Variants in SHC3 observed in about 807,000 individuals in gnomAD.
SHC3 encodes the protein SHC-transforming protein 3.
Under a neutral mutation model 60.4 loss-of-function variants are expected in SHC3, and 15 were observed. The observed-to-expected ratio is 0.25, with a 90% CI of 0.17 to 0.38. The LOEUF (loss-of-function observed/expected upper bound fraction) is 0.38, where lower values mean the gene tolerates loss of function less well. Among genes scored for constraint, SHC3 ranks in the 10% least tolerant of loss-of-function variants. The probability of loss-of-function intolerance (pLI) is 1.00; values close to 1 mark genes in which losing one functional copy is unlikely to be tolerated. For missense variants in SHC3, 677 were observed against 786.1 expected, an observed-to-expected ratio of 0.86 and a Z score of 1.66; for synonymous variants, 294 against 325.9, an observed-to-expected ratio of 0.90 and a Z score of 1.05.
chr9:89,026,934 C>A (rs1033660873), intron 11 of SHC3, among the ~76,000 whole-genome samples: 1 of 152,178 alleles, frequency 6.6e-6, no homozygotes, highest in African/African-American at 2.4e-5. Flanking sequence ...GATCTCACTT[C>A]CTTTTCTAGT....
At chr9:89,029,957 T>C (rs1587683812) in intron 11 of SHC3, among the ~76,000 whole-genome samples, 1 of 152,156 alleles carries the variant, frequency 6.6e-6, no homozygotes. Context: ...GGATTAAAAA[T>C]GCTATCAAAA....
intron 1 of SHC3, among the ~76,000 whole-genome samples, chr9:89,157,118 C>T (rs761991808): frequency 9.2e-5 from 14 of 152,132 alleles, no homozygotes; most frequent in Admixed American, 3.3e-4. Flanking sequence ...AATACCCTCC[C>T]GCTAACACCC....
intron 6 of SHC3, among the ~76,000 whole-genome samples, chr9:89,058,602 TAGGACGTGGTGG>T (rs1250834940): frequency 3.1e-5 from 4 of 129,574 alleles, no homozygotes; most frequent in East Asian, 2.5e-4. Flanking sequence ...ATGGTGGTGT[TAGGACGTGGTGG>T]AGGACGTGGT....
Position 89,178,552 on chromosome 9 carries a change from G to A in SHC3, c.-92C>T. The stretch of plus-strand genomic sequence containing the variant: ...GCATAGCAGGCGAGCCACTGTCCCC[G>A]GAGCGGGACGGAGAGTGGGGGCCCC... On this transcript the variant is annotated 5_prime_UTR_variant, in exon 1 of 12. Transcript: ENST00000375835. This position sits in a 1 kb window ranked among gnomAD's most constrained non-coding sequence, Gnocchi z 6.9. 2 of 1,253,600 alleles carry A rather than the reference G, an allele frequency of 1.6e-6. No homozygotes were observed. Among genetic ancestry groups the A allele is most frequent in the Admixed American group, 3.3e-5 (1 of 30,218 alleles). 77.7% of individuals were successfully genotyped at this position (1,253,600 alleles called of 1,614,324 possible). A position where few individuals can be genotyped will look rare whatever the true frequency, so the allele number is the denominator to read the frequency against.
chr9:89,153,352 G>A (rs148493817), intron 1 of SHC3, among the ~76,000 whole-genome samples: 20 of 152,252 alleles, frequency 1.3e-4, no homozygotes, highest in Admixed American at 6.5e-4. Flanking sequence ...GGCAGCGGCC[G>A]CTGGGAGCTT....
At chr9:89,078,342 T>C (rs1045767341) in intron 2 of SHC3, among the ~76,000 whole-genome samples, 2 of 152,182 alleles carry the variant, frequency 1.3e-5, no homozygotes, top group Middle Eastern at 3.2e-3. Flanking sequence ...TTAAGTGAGT[T>C]AGAATGTAAT....
intron 1 of SHC3, among the ~76,000 whole-genome samples, chr9:89,163,406 A>G (rs1189783547): frequency 6.6e-6 from 1 of 152,046 alleles, no homozygotes; most frequent in Non-Finnish European, 1.5e-5. Flanking sequence ...ATGGAATACT[A>G]TGAAGCCATA....
At position 89,010,419 on chromosome 9, in the gene SHC3, G is replaced by A. The variant is rs1169133864; in HGVS notation, c.*3028C>T. ...AGGCCCAGCCGGCCTCCGTGGGACA[G>A]AGATGTCATTTGAAGCACAGCTGAT... On this transcript the variant is annotated 3_prime_UTR_variant, in exon 12 of 12. Transcript: ENST00000375835. The A allele has an allele frequency of 2.6e-5, 4 of 152,262 alleles. No homozygotes were observed. Among genetic ancestry groups the A allele is most frequent in the African/African-American group, 9.6e-5 (4 of 41,458 alleles). 9.4% of individuals were successfully genotyped at this position (152,262 alleles called of 1,614,324 possible).
intron 1 of SHC3, among the ~76,000 whole-genome samples, chr9:89,165,720 T>C (rs1387883294): frequency 6.6e-6 from 1 of 152,026 alleles, no homozygotes; most frequent in Non-Finnish European, 1.5e-5. Flanking sequence ...CAGTGACACA[T>C]GAACAAGAAA....
intron 2 of SHC3, among the ~76,000 whole-genome samples, chr9:89,102,880 T>C (rs190484475): frequency 1.3e-5 from 2 of 152,332 alleles, no homozygotes; most frequent in Non-Finnish European, 1.5e-5. Context: ...TTCAATATGA[T>C]GTGCAATGAA....
At chr9:89,124,959 C>T (rs1027041344) in intron 1 of SHC3, among the ~76,000 whole-genome samples, 43 of 152,104 alleles carry the variant, frequency 2.8e-4, no homozygotes, top group African/African-American at 1.0e-3. Flanking sequence ...TAGGGAGTAA[C>T]TAAATCTTGC....
chr9:89,177,643 C>A (rs1445526387), intron 1 of SHC3, among the ~76,000 whole-genome samples: 1 of 152,234 alleles, frequency 6.6e-6, no homozygotes. Flanking sequence ...AGATACTAGG[C>A]AGGCCGGACC....
intron 1 of SHC3, among the ~76,000 whole-genome samples, chr9:89,143,284 G>T (rs1335021376): frequency 6.6e-6 from 1 of 152,160 alleles, no homozygotes; most frequent in Non-Finnish European, 1.5e-5. Flanking sequence ...GCACTGGTGG[G>T]AGTGTAGCAG....
intron 11 of SHC3, 32 bp from the exon 12 acceptor site, chr9:89,013,607 A>T: frequency 3.1e-6 from 5 of 1,598,286 alleles, no homozygotes; most frequent in Non-Finnish European, 4.3e-6. Flanking sequence ...GGTTAAGCAC[A>T]TCTCACAGGC....
intron 1 of SHC3, among the ~76,000 whole-genome samples, chr9:89,137,630 T>C (rs898125700): frequency 3.9e-5 from 6 of 152,178 alleles, no homozygotes; most frequent in African/African-American, 1.4e-4. Flanking sequence ...AAATTAGCTT[T>C]CTGAATGAGA....
chr9:89,155,087 A>G (rs1281246783), intron 1 of SHC3, among the ~76,000 whole-genome samples: 1 of 152,166 alleles, frequency 6.6e-6, no homozygotes, highest in Non-Finnish European at 1.5e-5. Flanking sequence ...ACACCCCACA[A>G]AAAAGACTGC....
intron 6 of SHC3, among the ~76,000 whole-genome samples, chr9:89,055,949 T>C (rs1197573532): frequency 6.6e-6 from 1 of 152,248 alleles, no homozygotes; most frequent in Non-Finnish European, 1.5e-5. Context: ...ATCTTTTGTC[T>C]TCAAAAAGGA....
At chr9:89,049,172 A>T (rs1484387115) in intron 7 of SHC3, among the ~76,000 whole-genome samples, 1 of 152,138 alleles carries the variant, frequency 6.6e-6, no homozygotes. Flanking sequence ...GAGGCAGGAG[A>T]ATGGCGCGAA....
intron 1 of SHC3, among the ~76,000 whole-genome samples, chr9:89,141,823 A>G (rs776759295): frequency 4.6e-5 from 7 of 152,012 alleles, no homozygotes; most frequent in Non-Finnish European, 7.4e-5. Context: ...TGAATAATAA[A>G]AAATATAGGA....
Sources: allele counts gnomAD v4.1 joint callset (sites outside exome capture counted in the v4.1 genomes callset), GRCh38; gene constraint gnomAD v4.1.1; non-coding constraint Gnocchi (gnomAD v3.1); transcripts MANE v1.5; gene names NCBI Gene and HGNC (gene_info 2026-07-23, HGNC 2026-07-21).